The following NSMF variants were observed in gnomAD, a reference collection of about 807,000 sequenced individuals.
The protein encoded by NSMF is nasal embryonic LHRH factor.
A neutral mutation model predicts 71.0 loss-of-function variants in NSMF; 31 were observed. That is an observed-to-expected ratio of 0.44 (90% CI 0.33 to 0.59). The LOEUF is 0.59. Ranked by LOEUF, NSMF falls within the 20% of genes least tolerant of loss-of-function variation. The pLI is 0.04. For synonymous variants in NSMF, 345 were observed against 287.1 expected, an observed-to-expected ratio of 1.20 and a Z score of -2.04; for missense variants, 673 against 740.5, an observed-to-expected ratio of 0.91 and a Z score of 1.06.
At position 137,453,273 on chromosome 9, in the gene NSMF, C is replaced by G. The variant is rs1277276399; in HGVS notation, c.923-93G>C. The G allele has an allele frequency of 1.8e-5, 28 of 1,570,978 alleles. No homozygotes were observed. The highest frequency in any genetic ancestry group is 1.9e-4 in the Middle Eastern group (1 of 5,306). On this transcript the variant is annotated intron_variant, in intron 8 of 15. Coordinates refer to ENST00000371475, the MANE Select transcript of NSMF (RefSeq NM_001130969.3). This position sits in a 1 kb window ranked among gnomAD's most constrained non-coding sequence, Gnocchi z 4.5. ...GGCCCACAGGGCCCGAAAGCCCCAT[C>G]CCGGAGGGTCCTCCAAGCAAGTGGG...
chr9:137,449,545 C>G, intron 15 of NSMF, 54 bp from the exon 16 acceptor site: 1 of 1,610,446 alleles, frequency 6.2e-7, no homozygotes, highest in Non-Finnish European at 8.5e-7. Context: ...GGGATCCCAC[C>G]CCACCGTGGC....
In NSMF at chr9:137,449,249, G is replaced by A; in HGVS notation, c.*145C>T. On this transcript the variant is annotated 3_prime_UTR_variant, in exon 16 of 16. Coordinates refer to ENST00000371475, the MANE Select transcript of NSMF (RefSeq NM_001130969.3). ...GCAGCGAGGACCGGAACCCACAGGG[G>A]GAACCTGAGCAACGTCTGAGGTGCC... 1 of 710,500 alleles carries A rather than the reference G, an allele frequency of 1.4e-6. No individual in the cohort carries two copies. 44.0% of individuals were successfully genotyped at this position (710,500 alleles called of 1,614,324 possible). A position where few individuals can be genotyped will look rare whatever the true frequency, so the allele number is the denominator to read the frequency against.
At chr9:137,451,074 A>C (rs1225005825) in intron 12 of NSMF, among the ~76,000 whole-genome samples, 3 of 14,078 alleles carry the variant, frequency 2.1e-4, no homozygotes, top group Non-Finnish European at 2.5e-4. Flanking sequence ...CTCCCCCTCC[A>C]CACGCCTCTT....
chr9:137,452,326 G>C, intron 12 of NSMF, 39 bp downstream of exon 12: 1 of 1,398,536 alleles, frequency 7.2e-7, no homozygotes, highest in Non-Finnish European at 9.5e-7. Flanking sequence ...GCCCCACCAC[G>C]ATTCTTCTCC....
In NSMF at chr9:137,453,513, C is replaced by G. The variant is rs924746801; in HGVS notation, c.922+218G>C. The G allele has an allele frequency of 1.7e-6, 1 of 600,450 alleles. No homozygotes were observed. The highest frequency in any genetic ancestry group is 1.9e-5 in the African/African-American group (1 of 53,696). The allele number at this position is 600,450 out of a possible 1,614,324, so 37.2% of individuals were successfully genotyped here. On this transcript the variant is annotated intron_variant, in intron 8 of 15. Coordinates refer to ENST00000371475, the MANE Select transcript of NSMF (RefSeq NM_001130969.3). The surrounding 1 kb of genome is among the most constrained non-coding windows in gnomAD (Gnocchi z 4.5). Reference sequence around the variant, plus strand: ...GGCCTCTTGCGAGTGGCGGTGGGCACGGCCCTACAGGCGCCCCCGGCCAGC... The same window carrying G: ...GGCCTCTTGCGAGTGGCGGTGGGCAGGGCCCTACAGGCGCCCCCGGCCAGC...
rs367652051 is a variant in NSMF at position 137,455,244 on chromosome 9, G to T, written c.774C>A (p.Ile258=). ...RKRENDSASV[I]QRNFRKHLRM... ...GAGTGGCTGGCAGGCCCTACCTCTGGATTACAGACGCGGAATCATTCTCCC... is the reference window on the plus strand; with the variant it reads ...GAGTGGCTGGCAGGCCCTACCTCTGTATTACAGACGCGGAATCATTCTCCC... The change falls in exon 6 of 16, where the codon ATC becomes ATA. Residue 258 remains isoleucine (I), a synonymous_variant. Transcript: ENST00000371475. The T allele has an allele frequency of 6.2e-7, 1 of 1,612,660 alleles. No individual in the cohort carries two copies. The highest frequency in any genetic ancestry group is 1.3e-5 in the African/African-American group (1 of 74,954).
rs756810362 is a variant in NSMF at position 137,449,352 on chromosome 9, G to A, written c.*42C>T. Reference sequence around the variant, plus strand: ...CGGCCCAGCCCCAGGTCCCGGTGCAGAGGGAGTGGCCTGATGGTGACTGGG... The same window carrying A: ...CGGCCCAGCCCCAGGTCCCGGTGCAAAGGGAGTGGCCTGATGGTGACTGGG... On this transcript the variant is annotated 3_prime_UTR_variant, in exon 16 of 16. Coordinates refer to ENST00000371475, the MANE Select transcript of NSMF (RefSeq NM_001130969.3). The A allele has an allele frequency of 1.3e-6, 2 of 1,545,040 alleles. No homozygotes were observed. Among genetic ancestry groups the A allele is most frequent in the South Asian group, 2.2e-5 (2 of 89,398 alleles).
rs1830667463 is a variant in NSMF at position 137,453,694 on chromosome 9, T to C, written c.922+37A>G. 1.3e-6 allele frequency: 2 copies of C among 1,537,760 alleles called. No homozygotes were observed. The highest frequency in any genetic ancestry group is 1.4e-5 in the African/African-American group (1 of 73,088). Reference sequence around the variant, plus strand: ...CAGGGGTCTGGGGTCTAGGGGAGGCTCTGGGGAAGGTGGGCGGGCCTGTGC... The same window carrying C: ...CAGGGGTCTGGGGTCTAGGGGAGGCCCTGGGGAAGGTGGGCGGGCCTGTGC... On this transcript the variant is annotated intron_variant, in intron 8 of 15. Transcript: ENST00000371475. The surrounding 1 kb of genome is among the most constrained non-coding windows in gnomAD (Gnocchi z 4.5).
Position 137,458,526 on chromosome 9 carries a change from T to A in NSMF, c.95A>T (p.Tyr32Phe). The change falls in exon 2 of 16, where the codon TAC becomes TTC. Residue 32 changes from tyrosine to phenylalanine, a missense_variant. Transcript: ENST00000371475. ...KVRAARAFGE[Y>F]LSQSHPENRN... Reference sequence around the variant, plus strand: ...GTTCTCAGGGTGACTCTGGGACAGGTACTCTCCAAACGCTCGGGCTGCTCT... The same window carrying A: ...GTTCTCAGGGTGACTCTGGGACAGGAACTCTCCAAACGCTCGGGCTGCTCT... 6.3e-7 allele frequency: 1 copy of A among 1,598,878 alleles called. No homozygotes were observed.
In NSMF at chr9:137,450,165, C is replaced by T. The variant is rs1390710893; in HGVS notation, c.1316+11G>A. On this transcript the variant is annotated intron_variant, in intron 13 of 15. Transcript: ENST00000371475. The stretch of plus-strand genomic sequence containing the variant: ...CAGCCCTCCCCGCGCCCAGGGCACC[C>T]GGCTTCTCACTGAATCATGTCCTCT... 3 of 1,612,760 alleles carry T rather than the reference C, an allele frequency of 1.9e-6. No homozygotes were observed. The highest frequency in any genetic ancestry group is 1.3e-5 in the African/African-American group (1 of 74,854).
chr9:137,448,626 G>C lies in NSMF; in HGVS notation c.*768C>G. The C allele has an allele frequency of 6.5e-6, 1 of 153,902 alleles. No homozygotes were observed. Among genetic ancestry groups the C allele is most frequent in the Admixed American group, 6.4e-5 (1 of 15,546 alleles). 9.5% of individuals were successfully genotyped at this position (153,902 alleles called of 1,614,324 possible). Reference sequence around the variant, plus strand: ...ACTCAACAGCAGCAATGAGAGTGCTGGGTGGGCTTGGGGGGATGGGGAGCA... The same window carrying C: ...ACTCAACAGCAGCAATGAGAGTGCTCGGTGGGCTTGGGGGGATGGGGAGCA... On this transcript the variant is annotated 3_prime_UTR_variant, in exon 16 of 16. Coordinates refer to ENST00000371475, the MANE Select transcript of NSMF (RefSeq NM_001130969.3). The surrounding 1 kb of genome is among the most constrained non-coding windows in gnomAD (Gnocchi z 5.3).
At chr9:137,450,503 A>C (rs1378942097) in intron 12 of NSMF, among the ~76,000 whole-genome samples, 1 of 15,928 alleles carries the variant, frequency 6.3e-5, no homozygotes, top group Non-Finnish European at 1.0e-4. Flanking sequence ...GATCTCCCCC[A>C]CCACACGCCT....
chr9:137,454,082 T>G (rs1170859873), intron 7 of NSMF, among the ~76,000 whole-genome samples: 1 of 125,814 alleles, frequency 7.9e-6, no homozygotes, highest in African/African-American at 3.1e-5. Flanking sequence ...GGGAGGAGCC[T>G]GGGCCGGGCT....
At position 137,452,845 on chromosome 9, in the gene NSMF, G is replaced by A. The variant is rs755667840; in HGVS notation, c.1048-26C>T. 1.1e-5 allele frequency: 18 copies of A among 1,582,090 alleles called. No individual in the cohort carries two copies. The South Asian group carries it at 1.8e-4, about 16-fold the overall frequency. On this transcript the variant is annotated intron_variant, in intron 9 of 15. Coordinates refer to ENST00000371475, the MANE Select transcript of NSMF (RefSeq NM_001130969.3). ...CTGCGGAGACAAAGAGCTGCTCAGG[G>A]GCCCCAGGCCCATCCAAAAGCCAAG...
chr9:137,455,694 G>C, intron 4 of NSMF, 60 bp from the exon 5 acceptor site: 3 of 1,545,296 alleles, frequency 1.9e-6, no homozygotes, highest in Non-Finnish European at 2.6e-6. Context: ...TCAACCCCGG[G>C]CCTCCCCTCA....
chr9:137,454,552 A>G, intron 6 of NSMF, 109 bp from the exon 7 acceptor site: 1 of 1,548,826 alleles, frequency 6.5e-7, no homozygotes, highest in Non-Finnish European at 8.7e-7. Context: ...TCGGTGTGGG[A>G]AGCCAGTGCT....
rs1297082624 is a variant in NSMF, at chr9:137,453,963, A to G, written c.833-143T>C. ...TCTAAGGCACATGAAGCAGACACGG[A>G]CCAGAGGCTCGGTTGGTTCAGGGGC... On this transcript the variant is annotated intron_variant, in intron 7 of 15. Transcript: ENST00000371475. This position sits in a 1 kb window ranked among gnomAD's most constrained non-coding sequence, Gnocchi z 4.5. The G allele has an allele frequency of 2.9e-6, 2 of 688,204 alleles. No individual in the cohort carries two copies. The highest frequency in any genetic ancestry group is 5.0e-6 in the Non-Finnish European group (2 of 398,600). The allele number at this position is 688,204 out of a possible 1,614,324, so 42.6% of individuals were successfully genotyped here. A position where few individuals can be genotyped will look rare whatever the true frequency, so the allele number is the denominator to read the frequency against.
chr9:137,452,497 G>C, intron 11 of NSMF, 56 bp downstream of exon 11: 1 of 1,612,164 alleles, frequency 6.2e-7, no homozygotes, highest in Non-Finnish European at 8.5e-7. Flanking sequence ...ACCCCCACCT[G>C]TGTCTGCCCC....
At chr9:137,458,879 G>A (rs958599617) in intron 1 of NSMF, among the ~76,000 whole-genome samples, 153 bp downstream of exon 1, 2 of 152,272 alleles carry the variant, frequency 1.3e-5, no homozygotes, top group East Asian at 3.9e-4. Flanking sequence ...CAGGGCAGGG[G>A]ACCAGGAAGA....
Sources: gnomAD v4.1 joint callset for allele counts (sites outside exome capture counted in the v4.1 genomes callset) on GRCh38, gnomAD v4.1.1 for gene constraint, Gnocchi (gnomAD v3.1) non-coding constraint, MANE v1.5 for transcripts, NCBI Gene and HGNC (gene_info 2026-07-23, HGNC 2026-07-21) for gene names.